The following RASGRP3 variants were observed in gnomAD, a reference collection of about 807,000 sequenced individuals.
RASGRP3 encodes the protein RAS guanyl releasing protein 3, also known as ras guanyl-releasing protein 3.
RASGRP3 carries 54 observed loss-of-function variants against 82.7 expected under a neutral mutation model. The ratio of observed to expected loss-of-function variants is 0.65; its 90% CI spans 0.52 to 0.82. RASGRP3 has a LOEUF of 0.82. RASGRP3 is among the 40% of genes least tolerant of loss of function. RASGRP3 has a pLI of 0.00. For synonymous variants in RASGRP3, 309 were observed against 300.5 expected, an observed-to-expected ratio of 1.03 and a Z score of -0.29; for missense variants, 861 against 828.9, an observed-to-expected ratio of 1.04 and a Z score of -0.48.
chr2:33,453,129 G>T (rs1057349079), intron 2 of RASGRP3, among the ~76,000 whole-genome samples: 6 of 152,140 alleles, frequency 3.9e-5, no homozygotes, highest in Admixed American at 6.5e-5. Flanking sequence ...TTCTGTACTG[G>T]GGTAGGCATG....
chr2:33,535,436 G>T (rs1673512614), intron 11 of RASGRP3, among the ~76,000 whole-genome samples: 1 of 152,222 alleles, frequency 6.6e-6, no homozygotes, highest in African/African-American at 2.4e-5. Flanking sequence ...CTCTTATAAA[G>T]ATCTCATCCT....
chr2:33,558,688 T>A lies in RASGRP3; in HGVS notation c.1722T>A (p.Phe574Leu). Residue 574 changes from phenylalanine (F) to leucine (L), a missense_variant, in exon 17 of 18, where the codon TTT (phenylalanine) becomes TTA (leucine). Physicochemically the swap from Phe to Leu is conservative, Grantham distance 22. Transcript: ENST00000403687. ...PSLPPAQDEVFEFPGVTAGHR... is the reference protein window; with the variant it reads ...PSLPPAQDEVLEFPGVTAGHR... ...CACTTCCAGCGCAGGATGAGGTGTTTGAGTTCCCTGGAGTCACTGCTGGAC... is the reference window on the plus strand; with the variant it reads ...CACTTCCAGCGCAGGATGAGGTGTTAGAGTTCCCTGGAGTCACTGCTGGAC... The A allele has an allele frequency of 1.2e-6, 2 of 1,602,028 alleles. No homozygotes were observed. Among genetic ancestry groups the A allele is most frequent in the Non-Finnish European group, 1.7e-6 (2 of 1,174,860 alleles).
At chr2:33,483,163 A>G (rs1160396887) in intron 1 of RASGRP3, among the ~76,000 whole-genome samples, 3 of 152,212 alleles carry the variant, frequency 2.0e-5, no homozygotes, top group South Asian at 4.1e-4. Flanking sequence ...CAATGTATAA[A>G]TGATTTCTGT....
Position 33,564,143 on chromosome 2 carries a change from T to TTCTGG in RASGRP3, c.*1406_*1407insTCTGG, listed in dbSNP as rs2151134065. 1 of 152,348 alleles carries TTCTGG rather than the reference T, an allele frequency of 6.6e-6. No individual in the cohort carries two copies. The highest frequency in any genetic ancestry group is 2.4e-5 in the African/African-American group (1 of 41,570). 9.4% of individuals were successfully genotyped at this position (152,348 alleles called of 1,614,324 possible). A position where few individuals can be genotyped will look rare whatever the true frequency, so the allele number is the denominator to read the frequency against. ...AGTTCTGCTCAGCAAAATTGTTGAG[T>TTCTGG]ACCTGTTCTGGGCAGGTCCCACGCT... On this transcript the variant is annotated 3_prime_UTR_variant, in exon 18 of 18. Coordinates refer to ENST00000403687, the MANE Select transcript of RASGRP3 (RefSeq NM_001139488.2).
chr2:33,544,812 T>C (rs1184365846), intron 13 of RASGRP3, among the ~76,000 whole-genome samples: 3 of 152,080 alleles, frequency 2.0e-5, no homozygotes, highest in Admixed American at 1.3e-4. Flanking sequence ...CTGGGCAACA[T>C]AGTGGGAACC....
At position 33,549,693 on chromosome 2, in the gene RASGRP3, A is replaced by G; in HGVS notation, c.1484A>G (p.His495Arg). The G allele has an allele frequency of 6.2e-7, 1 of 1,613,996 alleles. No homozygotes were observed. Among genetic ancestry groups the G allele is most frequent in the Non-Finnish European group, 8.5e-7 (1 of 1,179,852 alleles). ...LHCKMGPGFI[H>R]NFQEMTYLKP... ...TGTAAAATGGGACCAGGATTTATCCATAATTTTCAGGAGATGACCTATCTC... is the reference window on the plus strand; with the variant it reads ...TGTAAAATGGGACCAGGATTTATCCGTAATTTTCAGGAGATGACCTATCTC... The change falls in exon 14 of 18, where the codon CAT becomes CGT. Residue 495 changes from histidine (H) to arginine (R), a missense_variant. His to Arg is a conservative substitution (Grantham distance 29). Transcript: ENST00000403687.
rs1254692166 is a variant in RASGRP3 at position 33,440,992 on chromosome 2, A to G, written c.-385+4401A>G. Among the ~76,000 whole-genome samples, 3 of 152,120 alleles carry G rather than the reference A, an allele frequency of 2.0e-5. No homozygotes were observed. In the East Asian group the frequency reaches 5.8e-4, roughly 29 times the overall value. On this transcript the variant is annotated intron_variant, in intron 1 of 18. Transcript: ENST00000402538. ...GCTGCAGCCTCCACCTCCAGGGCTC[A>G]AGTGATCCTTGTGCCTCGGCCTCCC... is the stretch of plus-strand genomic sequence containing the variant.
chr2:33,525,726 A>AC (rs1483229632), intron 9 of RASGRP3, among the ~76,000 whole-genome samples: 3,474 of 134,628 alleles, frequency 0.026, 244 homozygotes, highest in East Asian at 0.17. Flanking sequence ...AAAAAAAAAA[A>AC]ACTAGCCAGG....
At position 33,544,320 on chromosome 2, in the gene RASGRP3, A is replaced by T. The variant is rs1324178278; in HGVS notation, c.1394+693A>T. On this transcript the variant is annotated intron_variant, in intron 13 of 17. Coordinates refer to ENST00000403687, the MANE Select transcript of RASGRP3 (RefSeq NM_001139488.2). ...CTGAGTGAGACTCTGTCTCAAAAAAAAAAAACTCACTTATAGTCTTCATTA... is the reference window on the plus strand; with the variant it reads ...CTGAGTGAGACTCTGTCTCAAAAAATAAAAACTCACTTATAGTCTTCATTA... 5.3e-5 allele frequency among the ~76,000 whole-genome samples: 8 copies of T among 152,288 alleles called. No individual in the cohort carries two copies. In the South Asian group the frequency reaches 1.4e-3, roughly 28 times the overall value.
At chr2:33,549,445 C>T (rs138326093) in intron 13 of RASGRP3, among the ~76,000 whole-genome samples, 159 bp from the exon 14 acceptor site, 3 of 152,128 alleles carry the variant, frequency 2.0e-5, no homozygotes, top group African/African-American at 4.8e-5. Flanking sequence ...CCTGAAGATG[C>T]CTTTTGAGGT....
intron 12 of RASGRP3, among the ~76,000 whole-genome samples, chr2:33,542,321 T>C (rs1044120249): frequency 7.5e-5 from 11 of 146,868 alleles, no homozygotes; most frequent in African/African-American, 2.7e-4. Context: ...TCATGTTGTT[T>C]TGATTAATGT....
At chr2:33,552,847 C>T (rs1359191187) in intron 14 of RASGRP3, among the ~76,000 whole-genome samples, 1 of 152,196 alleles carries the variant, frequency 6.6e-6, no homozygotes, top group Non-Finnish European at 1.5e-5. Flanking sequence ...ACACCCAGGT[C>T]TCCTGACTCT....
At chr2:33,460,598 T>A (rs937727646) in intron 2 of RASGRP3, among the ~76,000 whole-genome samples, 30 of 151,838 alleles carry the variant, frequency 2.0e-4, no homozygotes, top group African/African-American at 6.5e-4. Flanking sequence ...CACTGCAACT[T>A]TCACCTCCCG....
At chr2:33,514,887 G>A (rs1023794782) in intron 2 of RASGRP3, 123 bp from the exon 3 acceptor site, 1 of 487,688 alleles carries the variant, frequency 2.1e-6, no homozygotes, top group Non-Finnish European at 3.7e-6. Flanking sequence ...CAGTCACTAT[G>A]ATACTTTTCT....
chr2:33,489,259 A>G lies in RASGRP3; in HGVS notation c.-261+12552A>G, dbSNP rs577876361. ...TGAAACAATTAAAAATCTCACGCAAACATGCCTTCAAAGACACTTTAGATG... is the reference window on the plus strand; with the variant it reads ...TGAAACAATTAAAAATCTCACGCAAGCATGCCTTCAAAGACACTTTAGATG... On this transcript the variant is annotated intron_variant, in intron 1 of 17. Transcript: ENST00000403687. Among the ~76,000 whole-genome samples, 85 of 152,322 alleles carry G rather than the reference A, an allele frequency of 5.6e-4. 1 individual carries two copies. In the South Asian group the frequency reaches 0.017, roughly 31 times the overall value.
intron 14 of RASGRP3, 166 bp from the exon 15 acceptor site, chr2:33,555,365 G>C: frequency 1.9e-6 from 1 of 514,562 alleles, no homozygotes; most frequent in East Asian, 3.2e-5. Context: ...AGCTGGAAGG[G>C]GCCGGGAGAG....
intron 1 of RASGRP3, among the ~76,000 whole-genome samples, chr2:33,439,860 A>C (rs762015386): frequency 9.2e-5 from 14 of 152,224 alleles, no homozygotes; most frequent in Non-Finnish European, 2.1e-4. Flanking sequence ...AATGGCGTGC[A>C]TAAGATCTGC....
intron 4 of RASGRP3, among the ~76,000 whole-genome samples, chr2:33,518,224 G>T (rs1334766071): frequency 6.6e-6 from 1 of 152,188 alleles, no homozygotes; most frequent in African/African-American, 2.4e-5. Context: ...ATATGATACA[G>T]CCTATTGGTC....
chr2:33,554,558 C>T (rs1320288521), intron 14 of RASGRP3, among the ~76,000 whole-genome samples: 7 of 151,946 alleles, frequency 4.6e-5, no homozygotes, highest in Non-Finnish European at 8.8e-5. Context: ...CTGCAAGCTC[C>T]GCCTCCTGAG....
Sources: gnomAD v4.1 joint callset for allele counts (sites outside exome capture counted in the v4.1 genomes callset) on GRCh38, gnomAD v4.1.1 for gene constraint, MANE v1.5 for transcripts, NCBI Gene and HGNC (gene_info 2026-07-23, HGNC 2026-07-21) for gene names.